OSBPL10: variants seen among roughly 807,000 people sequenced by gnomAD.
OSBPL10 encodes the protein oxysterol-binding protein-related protein 10.
In OSBPL10, 49 loss-of-function variants were observed where a neutral mutation model predicts 81.7. The observed-to-expected ratio is 0.60, with a 90% CI of 0.48 to 0.76. The LOEUF (loss-of-function observed/expected upper bound fraction) is 0.76, where lower values mean the gene tolerates loss of function less well. Among genes scored for constraint, OSBPL10 ranks in the 30% least tolerant of loss-of-function variants. OSBPL10 has a pLI of 0.00. For synonymous variants in OSBPL10, 419 were observed against 383.6 expected, an observed-to-expected ratio of 1.09 and a Z score of -1.08; for missense variants, 923 against 987.8, an observed-to-expected ratio of 0.93 and a Z score of 0.88.
At chr3:31,686,677 C>T (rs533799726) in intron 7 of OSBPL10, among the ~76,000 whole-genome samples, 3 of 152,208 alleles carry the variant, frequency 2.0e-5, no homozygotes, top group South Asian at 2.1e-4. Flanking sequence ...CTTTAATCCA[C>T]GACTTGAAAA....
upstream of OSBPL10, among the ~76,000 whole-genome samples, chr3:31,982,394 G>C (rs539001357): frequency 6.6e-6 from 1 of 152,118 alleles, no homozygotes; most frequent in Non-Finnish European, 1.5e-5. Flanking sequence ...GGTGATAGAT[G>C]ATAGGTGATC....
intron 4 of OSBPL10, among the ~76,000 whole-genome samples, chr3:31,759,794 C>CT (rs1305282526): frequency 3.9e-5 from 6 of 152,108 alleles, no homozygotes. Flanking sequence ...GAGTCTCACT[C>CT]TGTCACCCAG....
intron 1 of OSBPL10, among the ~76,000 whole-genome samples, chr3:31,950,472 G>T (rs891522049): frequency 1.6e-4 from 24 of 152,148 alleles, no homozygotes; most frequent in African/African-American, 4.8e-4. Context: ...AACTAGAAAA[G>T]GTGCAGAACA....
chr3:32,059,028 G>A (rs1163834578), intron 1 of OSBPL10, among the ~76,000 whole-genome samples: 1 of 152,198 alleles, frequency 6.6e-6, no homozygotes, highest in African/African-American at 2.4e-5. Flanking sequence ...GCCGGGTGTG[G>A]TGGCTCATAC....
rs767020106 is a variant in OSBPL10 at position 31,662,075 on chromosome 3, G to C, written c.2292C>G (p.His764Gln). ...WVYFNPLWKA[H>Q] The stretch of plus-strand genomic sequence containing the variant: ...AAAGCTCTGCACCTCCACCCCATCA[G>C]TGTGCTTTCCAGAGGGGATTGAAGT... The change falls in exon 12 of 12, where the codon CAC (histidine) becomes CAG (glutamine). Residue 764 changes from histidine (H) to glutamine (Q), a missense_variant. His to Gln is a conservative substitution (Grantham distance 24, BLOSUM62 0). Coordinates refer to ENST00000396556, the MANE Select transcript of OSBPL10 (RefSeq NM_017784.5). The C allele has an allele frequency of 6.2e-7, 1 of 1,613,966 alleles. No homozygotes were observed. Among genetic ancestry groups the C allele is most frequent in the East Asian group, 2.2e-5 (1 of 44,882 alleles).
At chr3:31,828,991 A>C (rs758411394) in intron 4 of OSBPL10, among the ~76,000 whole-genome samples, 25 of 152,236 alleles carry the variant, frequency 1.6e-4, no homozygotes, top group Non-Finnish European at 2.9e-4. Flanking sequence ...TTTCATATGC[A>C]TCTACAGATT....
At position 31,978,288 on chromosome 3, in the gene OSBPL10, G is replaced by A. The variant is rs139859910; in HGVS notation, c.281+2611C>T. ...GATGCTATGAGGCCCAGAAAGAAAG[G>A]CAGCAGGAATCAGTTGGCTAACTAT... On this transcript the variant is annotated intron_variant, in intron 1 of 11. Coordinates refer to ENST00000396556, the MANE Select transcript of OSBPL10 (RefSeq NM_017784.5). Among the ~76,000 whole-genome samples the A allele has an allele frequency of 1.0e-3, 156 of 152,286 alleles. 1 individual carries two copies. The highest frequency in any genetic ancestry group is 3.4e-3 in the African/African-American group (143 of 41,554).
At chr3:32,009,363 G>A (rs894569369) in intron 2 of OSBPL10, among the ~76,000 whole-genome samples, 3 of 152,156 alleles carry the variant, frequency 2.0e-5, no homozygotes, top group African/African-American at 7.2e-5. Context: ...AATTAATCAC[G>A]CATGAGTCTT....
At chr3:32,016,334 A>G (rs1268132279) in intron 2 of OSBPL10, among the ~76,000 whole-genome samples, 1 of 152,124 alleles carries the variant, frequency 6.6e-6, no homozygotes. Context: ...TTCTCAGCAA[A>G]CCCTCGCAAG....
At chr3:31,934,602 T>C (rs576449456) in intron 1 of OSBPL10, among the ~76,000 whole-genome samples, 14 of 152,062 alleles carry the variant, frequency 9.2e-5, no homozygotes, top group Admixed American at 3.9e-4. Flanking sequence ...AGATGGGGTT[T>C]CACCATGTTT....
In OSBPL10 at chr3:32,062,974, A is replaced by G. The variant is rs140637729; in HGVS notation, n.185+14422T>C. Reference sequence around the variant, plus strand: ...GTACTGCCCGAGTACAAATCCTGATATTGTCATGTATCTTGGATAACGTCA... The same window carrying G: ...GTACTGCCCGAGTACAAATCCTGATGTTGTCATGTATCTTGGATAACGTCA... On this transcript the variant is annotated intron_variant and non_coding_transcript_variant, in intron 1 of 3. Coordinates refer to the OSBPL10 transcript ENST00000479173. Among the ~76,000 whole-genome samples the G allele has an allele frequency of 5.5e-3, 518 of 94,066 alleles. 126 individuals are homozygous for G. The highest frequency in any genetic ancestry group is 0.013 in the African/African-American group (481 of 36,586). 61.7% of individuals were successfully genotyped at this position (94,066 alleles called of 152,430 possible). A position where few individuals can be genotyped will look rare whatever the true frequency, so the allele number is the denominator to read the frequency against.
At chr3:31,762,630 A>AT (rs56311731) in intron 4 of OSBPL10, among the ~76,000 whole-genome samples, 17,858 of 61,448 alleles carry the variant, frequency 0.29, 4,097 homozygotes, top group South Asian at 0.43. Flanking sequence ...CATGCCCAGC[A>AT]TTTTTTTTTT....
chr3:31,815,835 C>G (rs1699821505), intron 4 of OSBPL10, among the ~76,000 whole-genome samples: 1 of 152,200 alleles, frequency 6.6e-6, no homozygotes, highest in Admixed American at 6.5e-5. Context: ...GCCACTCACT[C>G]AATATCCAAA....
intron 2 of OSBPL10, among the ~76,000 whole-genome samples, chr3:31,878,376 A>G (rs1174705870): frequency 6.6e-6 from 1 of 152,268 alleles, no homozygotes; most frequent in African/African-American, 2.4e-5. Flanking sequence ...AGCGAAGCCA[A>G]GGACCATATA....
chr3:31,716,970 G>A (rs191499102), intron 6 of OSBPL10: 4 of 152,212 alleles, frequency 2.6e-5, no homozygotes, highest in East Asian at 1.9e-4. Context: ...TTTCTGAAGC[G>A]TACGATAACA....
intron 1 of OSBPL10, among the ~76,000 whole-genome samples, chr3:31,939,681 G>C (rs2125736412): frequency 6.6e-6 from 1 of 152,176 alleles, no homozygotes; most frequent in South Asian, 2.1e-4. Flanking sequence ...ACTTGACCTG[G>C]CTTCTCTGGA....
chr3:31,929,514 G>A (rs1189603562), intron 1 of OSBPL10, among the ~76,000 whole-genome samples: 5 of 152,090 alleles, frequency 3.3e-5, no homozygotes, highest in South Asian at 4.2e-4. Context: ...TTGGGAGGCC[G>A]AGGCAGGTGG....
intron 5 of OSBPL10, among the ~76,000 whole-genome samples, chr3:31,735,337 G>A (rs1311592421): frequency 6.6e-6 from 1 of 152,154 alleles, no homozygotes; most frequent in African/African-American, 2.4e-5. Flanking sequence ...CTACATGAGA[G>A]GCTGAAGTGA....
At chr3:31,963,819 C>G (rs773474738) in intron 1 of OSBPL10, among the ~76,000 whole-genome samples, 2 of 151,926 alleles carry the variant, frequency 1.3e-5, no homozygotes, top group Non-Finnish European at 1.5e-5. Flanking sequence ...GCAGCATCAC[C>G]TTCCACACCC....
Sources: gnomAD v4.1 joint callset for allele counts (sites outside exome capture counted in the v4.1 genomes callset) on GRCh38, gnomAD v4.1.1 for gene constraint, MANE v1.5 for transcripts, NCBI Gene and HGNC (gene_info 2026-07-23, HGNC 2026-07-21) for gene names.